The following PRKCA variants were observed in gnomAD, a reference collection of about 807,000 sequenced individuals.
PRKCA encodes protein kinase C alpha type.
A neutral mutation model predicts 87.0 loss-of-function variants in PRKCA; 27 were observed. The observed-to-expected ratio is 0.31, with a 90% CI of 0.23 to 0.43. The LOEUF is 0.43. Among genes scored for constraint, PRKCA ranks in the 20% least tolerant of loss-of-function variants. The probability of loss-of-function intolerance (pLI) is 1.00; values close to 1 mark genes in which losing one functional copy is unlikely to be tolerated. For missense variants in PRKCA, 518 were observed against 852.3 expected, an observed-to-expected ratio of 0.61 and a Z score of 4.88; for synonymous variants, 329 against 311.1, an observed-to-expected ratio of 1.06 and a Z score of -0.61.
At chr17:66,658,589 G>A (rs1241010711) in intron 5 of PRKCA, among the ~76,000 whole-genome samples, 1 of 152,206 alleles carries the variant, frequency 6.6e-6, no homozygotes, top group East Asian at 1.9e-4. Flanking sequence ...TACAATTCAA[G>A]GTGAGATTTG....
At chr17:66,716,647 A>T (rs1038803723) in intron 8 of PRKCA, among the ~76,000 whole-genome samples, 6 of 152,170 alleles carry the variant, frequency 3.9e-5, no homozygotes, top group African/African-American at 1.4e-4. Flanking sequence ...GTCAATTATC[A>T]ACAGACAAAT....
At chr17:66,323,178 C>A (rs1421973812) in intron 2 of PRKCA, among the ~76,000 whole-genome samples, 1 of 152,184 alleles carries the variant, frequency 6.6e-6, no homozygotes, top group Non-Finnish European at 1.5e-5. Flanking sequence ...TACCTGACTT[C>A]TTTTGACCTG....
At chr17:66,456,902 C>T (rs1914597881) in intron 2 of PRKCA, among the ~76,000 whole-genome samples, 1 of 152,136 alleles carries the variant, frequency 6.6e-6, no homozygotes, top group Non-Finnish European at 1.5e-5. Context: ...GGAGTTGTTT[C>T]AGTGGTTTAG....
chr17:66,632,110 C>A (rs1971031452), intron 3 of PRKCA, among the ~76,000 whole-genome samples: 1 of 152,142 alleles, frequency 6.6e-6, no homozygotes, highest in South Asian at 2.1e-4. Flanking sequence ...GTTCCTCCAG[C>A]ATGCTAGGCT....
chr17:66,710,258 C>A (rs184909592), intron 8 of PRKCA, among the ~76,000 whole-genome samples: 1 of 152,018 alleles, frequency 6.6e-6, no homozygotes, highest in Non-Finnish European at 1.5e-5. Context: ...CACCTTCTCT[C>A]CTGACCCTGG....
At chr17:66,464,922 G>A (rs557631665) in intron 2 of PRKCA, among the ~76,000 whole-genome samples, 2 of 152,134 alleles carry the variant, frequency 1.3e-5, no homozygotes, top group East Asian at 1.9e-4. Context: ...CTTTGGTATT[G>A]TATCTAAAAC....
At chr17:66,370,425 G>A (rs1909028920) in intron 2 of PRKCA, among the ~76,000 whole-genome samples, 1 of 151,466 alleles carries the variant, frequency 6.6e-6, no homozygotes, top group African/African-American at 2.4e-5. Flanking sequence ...GACAGGGATG[G>A]CGAACAGTGG....
intron 3 of PRKCA, chr17:66,638,379 ATCTGAGG>A (rs1971201742): frequency 6.6e-6 from 1 of 152,080 alleles, no homozygotes; most frequent in South Asian, 2.1e-4. Context: ...ATAAAAAAAA[ATCTGAGG>A]TCTGATGTTC....
At chr17:66,659,165 G>A (rs138086648) in intron 5 of PRKCA, among the ~76,000 whole-genome samples, 2 of 152,106 alleles carry the variant, frequency 1.3e-5, no homozygotes, top group Non-Finnish European at 2.9e-5. Flanking sequence ...AGAGCTAATC[G>A]GTGGTGCCAA....
chr17:66,609,781 G>A (rs1475115363), intron 3 of PRKCA, among the ~76,000 whole-genome samples: 1 of 151,208 alleles, frequency 6.6e-6, no homozygotes, highest in East Asian at 1.9e-4. Flanking sequence ...GTTTTGGCAA[G>A]GCTTTATTTT....
intron 16 of PRKCA, among the ~76,000 whole-genome samples, chr17:66,798,318 C>T (rs926154139): frequency 2.7e-5 from 4 of 149,882 alleles, no homozygotes; most frequent in African/African-American, 9.8e-5. Context: ...CTTGAATCTA[C>T]TGCTTTTCCT....
At chr17:66,739,056 G>GT (rs1015925895) in intron 11 of PRKCA, among the ~76,000 whole-genome samples, 13 of 152,136 alleles carry the variant, frequency 8.5e-5, no homozygotes, top group African/African-American at 3.1e-4. Flanking sequence ...CTAATTTTCT[G>GT]TTTTTGGTAG....
intron 5 of PRKCA, among the ~76,000 whole-genome samples, chr17:66,668,132 C>G (rs1972087831): frequency 6.6e-6 from 1 of 152,230 alleles, no homozygotes; most frequent in African/African-American, 2.4e-5. Flanking sequence ...CCCTTTTGCT[C>G]AGATAAACAG....
At chr17:66,620,606 T>C (rs1970649164) in intron 3 of PRKCA, among the ~76,000 whole-genome samples, 1 of 152,176 alleles carries the variant, frequency 6.6e-6, no homozygotes, top group African/African-American at 2.4e-5. Flanking sequence ...AATGAATGGC[T>C]TTTGGTCAGA....
At chr17:66,313,442 A>G (rs1172364923) in intron 2 of PRKCA, among the ~76,000 whole-genome samples, 1 of 152,240 alleles carries the variant, frequency 6.6e-6, no homozygotes, top group East Asian at 1.9e-4. Context: ...GGCTAAACCT[A>G]ACACATTAAC....
At chr17:66,721,019 G>C (rs1973602039) in intron 8 of PRKCA, among the ~76,000 whole-genome samples, 1 of 152,192 alleles carries the variant, frequency 6.6e-6, no homozygotes, top group Non-Finnish European at 1.5e-5. Flanking sequence ...GACCCCAAGA[G>C]AGAGTTCTTG....
chr17:66,606,379 A>T (rs1970209792), intron 3 of PRKCA, among the ~76,000 whole-genome samples: 1 of 152,204 alleles, frequency 6.6e-6, no homozygotes, highest in South Asian at 2.1e-4. Context: ...TAACAGAGTG[A>T]GACTCCGTCT....
intron 8 of PRKCA, among the ~76,000 whole-genome samples, chr17:66,705,113 G>A (rs923177973): frequency 2.6e-5 from 4 of 152,134 alleles, no homozygotes. Context: ...TATGCTCTCT[G>A]CTTTTTTGTC....
At chr17:66,437,330 A>G (rs974562975) in intron 2 of PRKCA, among the ~76,000 whole-genome samples, 3 of 152,188 alleles carry the variant, frequency 2.0e-5, no homozygotes, top group Admixed American at 6.5e-5. Flanking sequence ...CATAATAAAT[A>G]TCTGCCTGTG....
Sources: gnomAD v4.1 joint callset for allele counts (sites outside exome capture counted in the v4.1 genomes callset) on GRCh38, gnomAD v4.1.1 for gene constraint, MANE v1.5 for transcripts, NCBI Gene and HGNC (gene_info 2026-07-23, HGNC 2026-07-21) for gene names.